CTTN: variants seen among roughly 807,000 people sequenced by gnomAD.
The protein encoded by CTTN is cortactin, also known as src substrate cortactin.
A neutral mutation model predicts 84.0 loss-of-function variants in CTTN; 28 were observed. That is an observed-to-expected ratio of 0.33 (90% confidence interval 0.25 to 0.46). CTTN has a LOEUF of 0.46. CTTN is among the 20% of genes least tolerant of loss of function. CTTN has a pLI of 1.00. For missense variants in CTTN, 641 were observed against 723.8 expected, an observed-to-expected ratio of 0.89 and a Z score of 1.31; for synonymous variants, 301 against 288.8, an observed-to-expected ratio of 1.04 and a Z score of -0.43.
At chr11:70,407,625 C>T (rs1226014685) in intron 4 of CTTN, 34 bp downstream of exon 4, 1 of 1,605,110 alleles carries the variant, frequency 6.2e-7, no homozygotes, top group South Asian at 1.1e-5. Flanking sequence ...CCCGAGGGCC[C>T]CTCTGCGGAT....
chr11:70,428,997 G>A (rs2058326637), intron 13 of CTTN, 54 bp from the exon 14 acceptor site: 1 of 1,603,868 alleles, frequency 6.2e-7, no homozygotes, highest in Admixed American at 1.7e-5. Context: ...CTGTTGTCCA[G>A]GAGCAGTGTT....
chr11:70,415,618 G>A, intron 6 of CTTN, 45 bp from the exon 7 acceptor site: 1 of 1,508,832 alleles, frequency 6.6e-7, no homozygotes, highest in Non-Finnish European at 9.2e-7. Context: ...AGGGACATTG[G>A]AAAGTATTTC....
intron 6 of CTTN, among the ~76,000 whole-genome samples, 191 bp downstream of exon 6, chr11:70,414,843 G>A (rs1373254292): frequency 3.3e-5 from 5 of 152,156 alleles, no homozygotes; most frequent in Middle Eastern, 3.2e-3. Flanking sequence ...AGGATGCGGC[G>A]GGCTTGCTGT....
Position 70,407,503 on chromosome 11 carries a change from C to T in CTTN, c.88-15C>T, listed in dbSNP as rs372082242. 21 of 1,613,870 alleles carry T rather than the reference C, an allele frequency of 1.3e-5. No homozygotes were observed. The highest frequency in any genetic ancestry group is 3.3e-5 in the Admixed American group (2 of 60,012). ...AATCCAGGCTGTGAGATTTACTGGTCGCTTTTCTTTTCAGAATGATGTGAG... is the reference window on the plus strand; with the variant it reads ...AATCCAGGCTGTGAGATTTACTGGTTGCTTTTCTTTTCAGAATGATGTGAG... On this transcript the variant is annotated splice_polypyrimidine_tract_variant and intron_variant, in intron 3 of 17. Transcript: ENST00000301843.
chr11:70,418,433 G>A (rs188876618), intron 8 of CTTN, among the ~76,000 whole-genome samples: 6 of 152,350 alleles, frequency 3.9e-5, no homozygotes, highest in Admixed American at 3.3e-4. Flanking sequence ...AGCACAGGCC[G>A]AGCACCTGGG....
chr11:70,426,666 T>TCCGC (rs1387203030), intron 13 of CTTN, among the ~76,000 whole-genome samples: 1 of 150,146 alleles, frequency 6.7e-6, no homozygotes, highest in Non-Finnish European at 1.5e-5. Flanking sequence ...CACTGCAAGC[T>TCCGC]CCGCCTCCCA....
chr11:70,422,773 G>A, intron 11 of CTTN, 167 bp from the exon 12 acceptor site: 1 of 1,476,998 alleles, frequency 6.8e-7, no homozygotes, highest in Non-Finnish European at 9.0e-7. Flanking sequence ...ACGACCATGG[G>A]TGGAAGCAAA....
chr11:70,420,161 G>A, intron 9 of CTTN: 1 of 597,216 alleles, frequency 1.7e-6, no homozygotes, highest in Non-Finnish European at 3.0e-6. Flanking sequence ...GCATGCGTGG[G>A]AGCTTCCATG....
rs139726680 is a variant in CTTN at position 70,403,249 on chromosome 11, C to T, written c.-97-2016C>T. Among the ~76,000 whole-genome samples, 440 of 132,570 alleles carry T rather than the reference C, an allele frequency of 3.3e-3. 3 individuals are homozygous for T. Among genetic ancestry groups the T allele is most frequent in the African/African-American group, 0.012 (419 of 34,442 alleles). 87.0% of individuals were successfully genotyped at this position (132,570 alleles called of 152,430 possible). A position where few individuals can be genotyped will look rare whatever the true frequency, so the allele number is the denominator to read the frequency against. ...CTGTCGCCAGGCTGCAGTATAGTGG[C>T]GCAATCTCGGCTCACTACAGCCTCT... On this transcript the variant is annotated intron_variant, in intron 1 of 17. Coordinates refer to ENST00000301843, the MANE Select transcript of CTTN (RefSeq NM_005231.4).
chr11:70,436,233 C>T lies in CTTN; in HGVS notation c.*1071C>T. Reference sequence around the variant, plus strand: ...TGTGTTCTTCCCCAAGGTCCCCCCACAGCTCCAGGACACCGCTGTCCTGGC... The same window carrying T: ...TGTGTTCTTCCCCAAGGTCCCCCCATAGCTCCAGGACACCGCTGTCCTGGC... On this transcript the variant is annotated 3_prime_UTR_variant, in exon 18 of 18. Transcript: ENST00000301843. The T allele has an allele frequency of 6.3e-7, 1 of 1,585,184 alleles. No homozygotes were observed. Among genetic ancestry groups the T allele is most frequent in the South Asian group, 1.1e-5 (1 of 89,912 alleles).
intron 12 of CTTN, among the ~76,000 whole-genome samples, chr11:70,424,894 C>A (rs915656703): frequency 1.3e-5 from 2 of 152,140 alleles, no homozygotes; most frequent in South Asian, 4.1e-4. Flanking sequence ...TCATCGCCGT[C>A]GCTTGGTCAG....
At chr11:70,425,994 T>C (rs2058295836) in intron 13 of CTTN, among the ~76,000 whole-genome samples, 2 of 152,156 alleles carry the variant, frequency 1.3e-5, no homozygotes, top group Admixed American at 6.5e-5. Context: ...ACTGACTTCC[T>C]TCAGGGGCTA....
intron 9 of CTTN, 87 bp from the exon 10 acceptor site, chr11:70,420,313 G>A: frequency 1.2e-6 from 1 of 843,764 alleles, no homozygotes. Flanking sequence ...TGAATCATAT[G>A]CGTTTAACTG....
At chr11:70,414,762 T>C (rs2058138398) in intron 6 of CTTN, 110 bp downstream of exon 6, 1 of 742,852 alleles carries the variant, frequency 1.3e-6, no homozygotes, top group African/African-American at 1.7e-5. Flanking sequence ...CCTCCAGCTC[T>C]GGGGGACTGC....
intron 12 of CTTN, 131 bp downstream of exon 12, chr11:70,423,126 G>T: frequency 1.8e-6 from 2 of 1,131,700 alleles, no homozygotes; most frequent in Admixed American, 2.1e-5. Flanking sequence ...TGGTGGTGGT[G>T]GTGGCGATGA....
chr11:70,413,159 A>G (rs891555507), intron 5 of CTTN, among the ~76,000 whole-genome samples: 2 of 152,244 alleles, frequency 1.3e-5, no homozygotes, highest in African/African-American at 4.8e-5. Flanking sequence ...TGCTTTTTCA[A>G]TAGGGGAAAT....
chr11:70,401,108 G>C (rs1053425332), intron 1 of CTTN, among the ~76,000 whole-genome samples: 4 of 151,990 alleles, frequency 2.6e-5, no homozygotes, highest in Non-Finnish European at 5.9e-5. Context: ...CTAAGGGCAG[G>C]TGGATTGCTT....
rs561475934 is a variant in CTTN, at chr11:70,420,221, T to G, written c.680-179T>G. The G allele has an allele frequency of 5.1e-4, 316 of 619,430 alleles. No homozygotes were observed. The African/African-American group carries it at 5.5e-3, about 11-fold the overall frequency. The allele number at this position is 619,430 out of a possible 1,614,324, so 38.4% of individuals were successfully genotyped here. A position where few individuals can be genotyped will look rare whatever the true frequency, so the allele number is the denominator to read the frequency against. ...TGCTGAGGTCATAGACTAGGTTATT[T>G]CCTGCCACTCTCCAAGGAGGGCCTC... On this transcript the variant is annotated intron_variant, in intron 9 of 17. Coordinates refer to ENST00000301843, the MANE Select transcript of CTTN (RefSeq NM_005231.4).
chr11:70,419,503 A>G (rs574468063), intron 8 of CTTN, among the ~76,000 whole-genome samples: 1 of 152,300 alleles, frequency 6.6e-6, no homozygotes, highest in East Asian at 1.9e-4. Context: ...CCTGGGCTCA[A>G]GTGATCCTCC....
Sources: allele counts gnomAD v4.1 joint callset (sites outside exome capture counted in the v4.1 genomes callset), GRCh38; gene constraint gnomAD v4.1.1; transcripts MANE v1.5; gene names NCBI Gene and HGNC (gene_info 2026-07-23, HGNC 2026-07-21).